Variants in UNC5D observed in about 807,000 individuals in gnomAD.
The protein encoded by UNC5D is unc-5 netrin receptor D.
Under a neutral mutation model 105.4 loss-of-function variants are expected in UNC5D, and 39 were observed. That is an observed-to-expected ratio of 0.37 (90% CI 0.29 to 0.48). The LOEUF is 0.48. UNC5D is among the 20% of genes least tolerant of loss of function. The pLI, the probability that UNC5D is intolerant of heterozygous loss-of-function variation, is 0.98. For synonymous variants in UNC5D, 452 were observed against 450.4 expected (o/e 1.00, Z -0.04); for missense variants, 991 against 1,202.4 (o/e 0.82, Z 2.60).
At chr8:35,680,292 G>A (rs573701877) in intron 4 of UNC5D, among the ~76,000 whole-genome samples, 1 of 152,310 alleles carries the variant, frequency 6.6e-6, no homozygotes, top group East Asian at 1.9e-4. Flanking sequence ...GTTTCAGAGA[G>A]AGATTTTAAT....
At chr8:35,578,197 C>G (rs1345438336) in intron 3 of UNC5D, among the ~76,000 whole-genome samples, 2 of 140,348 alleles carry the variant, frequency 1.4e-5, no homozygotes, top group Non-Finnish European at 3.0e-5. Flanking sequence ...TGCACTCCAG[C>G]CTGCGGGACA....
chr8:35,498,229 T>C (rs1811738194), intron 1 of UNC5D, among the ~76,000 whole-genome samples: 1 of 151,752 alleles, frequency 6.6e-6, no homozygotes. Flanking sequence ...AAAGTTTCCA[T>C]TGGTATTATC....
At chr8:35,684,347 A>T (rs570771042) in intron 5 of UNC5D, among the ~76,000 whole-genome samples, 17 of 152,288 alleles carry the variant, frequency 1.1e-4, no homozygotes, top group Admixed American at 9.8e-4. Context: ...TCTATTTCTT[A>T]TAATTTCCTT....
chr8:35,416,541 G>T (rs572686385), intron 1 of UNC5D, among the ~76,000 whole-genome samples: 1 of 152,284 alleles, frequency 6.6e-6, no homozygotes, highest in Non-Finnish European at 1.5e-5. Context: ...ATAAATTTGA[G>T]AATGGCCCTA....
At chr8:35,638,276 C>CT (rs1182242142) in intron 4 of UNC5D, among the ~76,000 whole-genome samples, 1 of 152,014 alleles carries the variant, frequency 6.6e-6, no homozygotes, top group African/African-American at 2.4e-5. Context: ...TCGGAATCAA[C>CT]TAAAATTGGA....
chr8:35,641,008 A>G (rs1315017997), intron 4 of UNC5D, among the ~76,000 whole-genome samples: 1 of 151,712 alleles, frequency 6.6e-6, no homozygotes, highest in Non-Finnish European at 1.5e-5. Context: ...GTTTCTTTCT[A>G]TTTATAAGAC....
intron 1 of UNC5D, among the ~76,000 whole-genome samples, chr8:35,423,997 G>T (rs950031180): frequency 2.0e-5 from 3 of 151,986 alleles, no homozygotes; most frequent in African/African-American, 7.3e-5. Flanking sequence ...ATGGGGTCTT[G>T]CTATGTTGCC....
At chr8:35,759,842 A>G (rs573455184) in intron 14 of UNC5D, among the ~76,000 whole-genome samples, 1 of 152,132 alleles carries the variant, frequency 6.6e-6, no homozygotes, top group Non-Finnish European at 1.5e-5. Context: ...CATATTCAGC[A>G]ATGAATAAAC....
chr8:35,759,586 CAAAACTGTCACAG>C, intron 14 of UNC5D, 117 bp downstream of exon 14: 3 of 1,172,750 alleles, frequency 2.6e-6, no homozygotes, highest in Non-Finnish European at 3.6e-6. Context: ...GATTTCACCT[CAAAACTGTCACAG>C]AAATGTAACA....
chr8:35,725,523 G>A (rs555935444), intron 9 of UNC5D, among the ~76,000 whole-genome samples: 2 of 151,924 alleles, frequency 1.3e-5, no homozygotes, highest in Admixed American at 6.6e-5. Flanking sequence ...TTTTTCCCTC[G>A]CAGAGTGACA....
intron 1 of UNC5D, among the ~76,000 whole-genome samples, chr8:35,438,731 G>A (rs1439157036): frequency 1.3e-5 from 2 of 151,996 alleles, no homozygotes; most frequent in African/African-American, 4.8e-5. Context: ...CAAGTATAAG[G>A]TTGGAGTTAG....
At chr8:35,534,036 C>T (rs10111660) in intron 1 of UNC5D, among the ~76,000 whole-genome samples, 1,997 of 152,228 alleles carry the variant, frequency 0.013, 59 homozygotes, top group African/African-American at 0.046. Flanking sequence ...AACTGTAGAC[C>T]GGAGCTGTTC....
chr8:35,620,879 C>T (rs977876410), intron 4 of UNC5D, among the ~76,000 whole-genome samples: 3 of 152,194 alleles, frequency 2.0e-5, no homozygotes, highest in Admixed American at 6.5e-5. Context: ...AGTCACCAGT[C>T]ATTCAACACT....
At chr8:35,604,111 G>C (rs981193405) in intron 4 of UNC5D, among the ~76,000 whole-genome samples, 1 of 152,154 alleles carries the variant, frequency 6.6e-6, no homozygotes, top group African/African-American at 2.4e-5. Flanking sequence ...TATTTTGCTT[G>C]TTAGTTGATG....
intron 1 of UNC5D, among the ~76,000 whole-genome samples, chr8:35,237,938 C>T (rs1436540661): frequency 6.6e-6 from 1 of 152,172 alleles, no homozygotes; most frequent in Non-Finnish European, 1.5e-5. Context: ...GTTCTCCCTT[C>T]CCAGAAAGGT....
At chr8:35,551,880 A>T (rs1343083404) in intron 2 of UNC5D, among the ~76,000 whole-genome samples, 1 of 152,130 alleles carries the variant, frequency 6.6e-6, no homozygotes, top group African/African-American at 2.4e-5. Flanking sequence ...GCTGTGTTCC[A>T]AAGCAAAAGG....
intron 1 of UNC5D, among the ~76,000 whole-genome samples, chr8:35,361,004 C>T (rs538418533): frequency 9.2e-5 from 14 of 152,096 alleles, no homozygotes; most frequent in African/African-American, 3.4e-4. Context: ...TCTCAAACAT[C>T]AAAAGCACAT....
intron 4 of UNC5D, among the ~76,000 whole-genome samples, chr8:35,678,698 A>G (rs1352943568): frequency 6.6e-6 from 1 of 152,162 alleles, no homozygotes; most frequent in Non-Finnish European, 1.5e-5. Flanking sequence ...TTGAAACCAG[A>G]ACATTTAATG....
chr8:35,755,238 A>G (rs1830461384), intron 13 of UNC5D, among the ~76,000 whole-genome samples: 1 of 152,108 alleles, frequency 6.6e-6, no homozygotes, highest in Non-Finnish European at 1.5e-5. Context: ...TACCCTATCT[A>G]TCTTATCTAA....
Sources: gnomAD v4.1 joint callset for allele counts (sites outside exome capture counted in the v4.1 genomes callset) on GRCh38, gnomAD v4.1.1 for gene constraint, MANE v1.5 for transcripts, NCBI Gene and HGNC (gene_info 2026-07-23, HGNC 2026-07-21) for gene names.